The following LINGO2 variants were observed in gnomAD, a reference collection of about 807,000 sequenced individuals.
LINGO2 encodes leucine rich repeat and Ig domain containing 2, also known as leucine-rich repeat and immunoglobulin-like domain-containing nogo receptor-interacting protein 2.
Under a neutral mutation model 30.6 loss-of-function variants are expected in LINGO2, and 14 were observed. That is an observed-to-expected ratio of 0.46 (90% CI 0.30 to 0.72). The LOEUF (loss-of-function observed/expected upper bound fraction) is 0.72. LINGO2 is among the 30% of genes least tolerant of loss of function. LINGO2 has a pLI of 0.07. For synonymous variants in LINGO2, 317 were observed against 288.5 expected, an observed-to-expected ratio of 1.10 and a Z score of -1.00; for missense variants, 729 against 751.7, an observed-to-expected ratio of 0.97 and a Z score of 0.35.
At chr9:28,819,023 G>A in the LINGO2 span, among the ~76,000 whole-genome samples, 1 of 151,882 alleles carries the variant, frequency 6.6e-6, no homozygotes, top group Non-Finnish European at 1.5e-5. Context: ...TTTTCTACCT[G>A]AGGAAGGTTT....
At chr9:28,783,298 C>A in the LINGO2 span, among the ~76,000 whole-genome samples, 1 of 152,144 alleles carries the variant, frequency 6.6e-6, no homozygotes, top group Admixed American at 6.5e-5. Flanking sequence ...TTATATATAA[C>A]CTGTGCAAAT....
At chr9:28,393,772 G>T (rs1821931972) in intron 2 of LINGO2, among the ~76,000 whole-genome samples, 1 of 152,136 alleles carries the variant, frequency 6.6e-6, no homozygotes. Context: ...AGTTTGGTCT[G>T]CCCCAGTATA....
exon 6 of LINGO2, chr9:27,948,720 C>T: frequency 9.2e-7 from 1 of 1,087,092 alleles, no homozygotes. Flanking sequence ...AGTCCTCCTG[C>T]TTCCATAGAC....
At chr9:27,940,334 T>A in the LINGO2 span, 1 of 152,164 alleles carries the variant, frequency 6.6e-6, no homozygotes, top group Non-Finnish European at 1.5e-5. Context: ...CCTTTATTTT[T>A]TGATAGAGGG....
intron 3 of LINGO2, among the ~76,000 whole-genome samples, chr9:28,362,229 T>TGTGC (rs1554711136): frequency 6.7e-6 from 1 of 150,130 alleles, no homozygotes; most frequent in Non-Finnish European, 1.5e-5. Flanking sequence ...TGTGTGTGTG[T>TGTGC]GCGCATGCGC....
Position 27,992,048 on chromosome 9 carries a change from C to T in LINGO2, c.-36+20307G>A, listed in dbSNP as rs150400002. ...GAAATTACTACTCTGGGTATTCGGA[C>T]GCATTTCTCCAACTTTTCTGCTTCT... On this transcript the variant is annotated intron_variant, in intron 5 of 5. Coordinates refer to ENST00000379992, the Ensembl canonical transcript of LINGO2. 4.4e-3 allele frequency among the ~76,000 whole-genome samples: 667 copies of T among 152,060 alleles called. 9 individuals are homozygous for T. Among genetic ancestry groups the T allele is most frequent in the African/African-American group, 9.7e-3 (402 of 41,500 alleles).
chr9:28,038,641 C>T (rs551671246), intron 4 of LINGO2, among the ~76,000 whole-genome samples: 5 of 149,072 alleles, frequency 3.4e-5, no homozygotes, highest in South Asian at 2.1e-4. Context: ...TGCAGTGAGC[C>T]GAGATTGCAC....
chr9:29,202,371 C>T, the LINGO2 span, among the ~76,000 whole-genome samples: 1 of 151,922 alleles, frequency 6.6e-6, no homozygotes, highest in Non-Finnish European at 1.5e-5. Flanking sequence ...GCCACGGAGA[C>T]ATATTTTTAA....
chr9:28,466,868 A>G (rs1055447798), intron 2 of LINGO2, among the ~76,000 whole-genome samples: 27 of 152,198 alleles, frequency 1.8e-4, no homozygotes, highest in African/African-American at 6.5e-4. Context: ...TCTGTATCAC[A>G]TGCATATTGT....
At chr9:27,988,777 A>G (rs1311126070) in intron 5 of LINGO2, among the ~76,000 whole-genome samples, 1 of 151,678 alleles carries the variant, frequency 6.6e-6, no homozygotes, top group African/African-American at 2.4e-5. Flanking sequence ...TACTCTTCCT[A>G]TCTCTGTAAC....
At chr9:28,316,258 G>T (rs2134279172) in intron 3 of LINGO2, among the ~76,000 whole-genome samples, 1 of 151,796 alleles carries the variant, frequency 6.6e-6, no homozygotes, top group African/African-American at 2.4e-5. Context: ...AAAATTTAAT[G>T]ACTGTACAAT....
chr9:28,620,552 A>T (rs1337957092), intron 1 of LINGO2, among the ~76,000 whole-genome samples: 1 of 152,120 alleles, frequency 6.6e-6, no homozygotes, highest in Non-Finnish European at 1.5e-5. Context: ...ACAGTTTGTC[A>T]TATACATCAG....
At chr9:28,088,252 T>A in intron 4 of LINGO2, among the ~76,000 whole-genome samples, 1 of 151,210 alleles carries the variant, frequency 6.6e-6, no homozygotes, top group East Asian at 1.9e-4. Flanking sequence ...AATGGTTTAG[T>A]ACAACTAATG....
At chr9:28,933,661 C>G in the LINGO2 span, among the ~76,000 whole-genome samples, 1 of 152,098 alleles carries the variant, frequency 6.6e-6, no homozygotes, top group Non-Finnish European at 1.5e-5. Flanking sequence ...AGTTCTCAAG[C>G]TTGTATACTT....
At chr9:28,166,910 GGGGTTTCTATGAATGCCACA>G (rs1828443297) in intron 4 of LINGO2, among the ~76,000 whole-genome samples, 2 of 151,996 alleles carry the variant, frequency 1.3e-5, no homozygotes, top group African/African-American at 4.8e-5. Flanking sequence ...TGACTCTTCT[GGGGTTTCTATGAATGCCACA>G]GACAGTCAAT....
the LINGO2 span, among the ~76,000 whole-genome samples, chr9:29,167,048 A>G: frequency 1.3e-5 from 2 of 152,244 alleles, no homozygotes; most frequent in African/African-American, 4.8e-5. Context: ...TTCCTTGCAA[A>G]TAAAGAAATC....
chr9:28,903,346 A>G, the LINGO2 span, among the ~76,000 whole-genome samples: 2 of 152,222 alleles, frequency 1.3e-5, no homozygotes, highest in African/African-American at 2.4e-5. Flanking sequence ...AAATATGAAC[A>G]GACCAATAAT....
intron 4 of LINGO2, among the ~76,000 whole-genome samples, chr9:28,283,278 C>T (rs1823391482): frequency 6.6e-6 from 1 of 152,048 alleles, no homozygotes; most frequent in South Asian, 2.1e-4. Flanking sequence ...GAAGTGTGTC[C>T]ATAGGTGTTT....
the LINGO2 span, among the ~76,000 whole-genome samples, chr9:29,002,130 T>A: frequency 2.0e-5 from 3 of 152,030 alleles, no homozygotes; most frequent in African/African-American, 7.2e-5. Flanking sequence ...TCAGAGTTAT[T>A]AAAGTCCCCA....
Sources: allele counts gnomAD v4.1 joint callset (sites outside exome capture counted in the v4.1 genomes callset), GRCh38; gene constraint gnomAD v4.1.1; transcripts MANE v1.5; gene names NCBI Gene and HGNC (gene_info 2026-07-23, HGNC 2026-07-21).